Variants in GALNT18 observed in about 807,000 individuals in gnomAD.
GALNT18 encodes the protein GalNAc-transferase 18.
In GALNT18, 44 loss-of-function variants were observed where a neutral mutation model predicts 69.5. The ratio of observed to expected loss-of-function variants is 0.63; its 90% CI spans 0.50 to 0.81. The LOEUF (loss-of-function observed/expected upper bound fraction) is 0.81, where lower values mean the gene tolerates loss of function less well. GALNT18 is among the 40% of genes least tolerant of loss of function. The probability of loss-of-function intolerance (pLI) is 0.00; values close to 1 mark genes in which losing one functional copy is unlikely to be tolerated. For missense variants in GALNT18, 715 were observed against 810.0 expected (o/e 0.88, Z 1.42); for synonymous variants, 364 against 318.2 (o/e 1.14, Z -1.53).
chr11:11,455,558 C>G (rs1855906146), intron 1 of GALNT18, among the ~76,000 whole-genome samples: 1 of 152,144 alleles, frequency 6.6e-6, no homozygotes, highest in South Asian at 2.1e-4. Flanking sequence ...AAAGAGCACT[C>G]TGTGGGGCTC....
chr11:11,406,855 C>T (rs1299824811), intron 3 of GALNT18, among the ~76,000 whole-genome samples: 1 of 152,182 alleles, frequency 6.6e-6, no homozygotes, highest in Admixed American at 6.5e-5. Flanking sequence ...CCCATCCCCG[C>T]CCTTTTGGAA....
intron 1 of GALNT18, among the ~76,000 whole-genome samples, chr11:11,518,372 C>T (rs7943562): frequency 0.39 from 59,715 of 152,142 alleles, 12,505 homozygotes; most frequent in East Asian, 0.73. Context: ...CTGACAAGTT[C>T]GATTATGGTT....
intron 3 of GALNT18, among the ~76,000 whole-genome samples, chr11:11,380,099 T>G (rs1474286954): frequency 6.6e-6 from 1 of 152,234 alleles, no homozygotes; most frequent in Non-Finnish European, 1.5e-5. Context: ...TCTGCCCTGA[T>G]GAGTGATCAT....
chr11:11,490,234 A>AACACACACACACACAC (rs61477736), intron 1 of GALNT18, among the ~76,000 whole-genome samples: 11 of 125,186 alleles, frequency 8.8e-5, no homozygotes, highest in African/African-American at 3.3e-4. Context: ...CTCTCTCTCT[A>AACACACACACACACAC]ACACACACAC....
chr11:11,588,904 C>T (rs949598898), intron 1 of GALNT18, among the ~76,000 whole-genome samples: 49 of 152,212 alleles, frequency 3.2e-4, no homozygotes, highest in African/African-American at 1.0e-3. Flanking sequence ...TAGAACTCTA[C>T]TAAAAGGGCC....
rs1021773172 is a variant in GALNT18, at chr11:11,598,377, G to T, written c.235+22982C>A. On this transcript the variant is annotated intron_variant, in intron 1 of 10. Transcript: ENST00000227756. The surrounding 1 kb of genome is among the most constrained non-coding windows in gnomAD (Gnocchi z 4.8). Reference sequence around the variant, plus strand: ...GTCAGCAGGGCTATACTTCTTTGCAGGCTCTAGAGGAGAATCTGTTCCTTG... The same window carrying T: ...GTCAGCAGGGCTATACTTCTTTGCATGCTCTAGAGGAGAATCTGTTCCTTG... Among the ~76,000 whole-genome samples the T allele has an allele frequency of 6.6e-6, 1 of 152,172 alleles. No individual in the cohort carries two copies. Among genetic ancestry groups the T allele is most frequent in the Non-Finnish European group, 1.5e-5 (1 of 68,032 alleles).
At position 11,318,230 on chromosome 11, in the gene GALNT18, C is replaced by A. The variant is rs1014367037; in HGVS notation, c.1512+8856G>T. Among the ~76,000 whole-genome samples, 13 of 152,120 alleles carry A rather than the reference C, an allele frequency of 8.5e-5. No homozygotes were observed. Among genetic ancestry groups the A allele is most frequent in the African/African-American group, 3.1e-4 (13 of 41,400 alleles). On this transcript the variant is annotated intron_variant, in intron 9 of 10. Coordinates refer to ENST00000227756, the MANE Select transcript of GALNT18 (RefSeq NM_198516.3). This position sits in a 1 kb window ranked among gnomAD's most constrained non-coding sequence, Gnocchi z 5.1. ...AGGTGAACTGGGTTGGATTGTGTCACCCCAAAATTCATATGTTAAAGTCCT... is the reference window on the plus strand; with the variant it reads ...AGGTGAACTGGGTTGGATTGTGTCAACCCAAAATTCATATGTTAAAGTCCT...
chr11:11,410,384 G>A (rs371409905), intron 3 of GALNT18, among the ~76,000 whole-genome samples: 1 of 152,060 alleles, frequency 6.6e-6, no homozygotes, highest in Non-Finnish European at 1.5e-5. Flanking sequence ...TCCTGCGGTC[G>A]GGGGATTGAA....
intron 10 of GALNT18, among the ~76,000 whole-genome samples, chr11:11,290,504 CG>C (rs1254239189): frequency 1.3e-5 from 2 of 152,158 alleles, no homozygotes; most frequent in Non-Finnish European, 2.9e-5. Context: ...ACTCTTCAGC[CG>C]CTCCCCACTG....
In GALNT18 at chr11:11,456,501, C is replaced by T. The variant is rs528657718; in HGVS notation, c.236-7565G>A. On this transcript the variant is annotated intron_variant, in intron 1 of 10. Coordinates refer to ENST00000227756, the MANE Select transcript of GALNT18 (RefSeq NM_198516.3). ...AAATACCTCCAGGGCCCCCCTGCAA[C>T]CCCAGGTGCTCTGGCCCTTTTCTTG... is the stretch of plus-strand genomic sequence containing the variant. 1.0e-3 allele frequency among the ~76,000 whole-genome samples: 157 copies of T among 152,354 alleles called. 1 individual carries two copies. Among genetic ancestry groups the T allele is most frequent in the African/African-American group, 3.6e-3 (150 of 41,592 alleles).
Position 11,465,541 on chromosome 11 carries a change from G to GA in GALNT18, c.236-16606dup, listed in dbSNP as rs935386225. Among the ~76,000 whole-genome samples the GA allele has an allele frequency of 8.5e-5, 13 of 152,288 alleles. No individual in the cohort carries two copies. The highest frequency in any genetic ancestry group is 2.9e-4 in the African/African-American group (12 of 41,552). The stretch of plus-strand genomic sequence containing the variant: ...CAAAGCCACCTGGCCATGAGGTCAG[G>GA]AAGCACAGCTTAGGAAGGGTCTTGA... On this transcript the variant is annotated intron_variant, in intron 1 of 10. Transcript: ENST00000227756. This position sits in a 1 kb window ranked among gnomAD's most constrained non-coding sequence, Gnocchi z 5.7.
intron 1 of GALNT18, among the ~76,000 whole-genome samples, chr11:11,561,264 C>T (rs2133983683): frequency 6.6e-6 from 1 of 152,196 alleles, no homozygotes; most frequent in South Asian, 2.1e-4. Context: ...AATAGAAATC[C>T]AGGAGGCCTT....
At chr11:11,327,275 G>A in intron 8 of GALNT18, 94 bp from the exon 9 acceptor site, 1 of 948,726 alleles carries the variant, frequency 1.1e-6, no homozygotes, top group South Asian at 1.4e-5. Flanking sequence ...TGCTGAGACA[G>A]ATTTCATGTC....
intron 1 of GALNT18, among the ~76,000 whole-genome samples, chr11:11,516,061 A>C (rs1010931077): frequency 1.3e-5 from 2 of 152,164 alleles, no homozygotes; most frequent in Non-Finnish European, 2.9e-5. Context: ...CTGGGCCCTG[A>C]GTGTGACAGG....
intron 3 of GALNT18, among the ~76,000 whole-genome samples, chr11:11,384,040 T>G (rs1589957090): frequency 6.6e-6 from 1 of 152,164 alleles, no homozygotes; most frequent in East Asian, 1.9e-4. Flanking sequence ...CACTTACTAT[T>G]AGTCCATTCA....
At position 11,439,998 on chromosome 11, in the gene GALNT18, C is replaced by T. The variant is rs974416916; in HGVS notation, c.429-7211G>A. 1.3e-5 allele frequency among the ~76,000 whole-genome samples: 2 copies of T among 152,180 alleles called. No homozygotes were observed. The highest frequency in any genetic ancestry group is 4.8e-5 in the African/African-American group (2 of 41,428). On this transcript the variant is annotated intron_variant, in intron 2 of 10. Transcript: ENST00000227756. This position sits in a 1 kb window ranked among gnomAD's most constrained non-coding sequence, Gnocchi z 4.4. ...AATGGACATCTGCGAACTGGGAGTT[C>T]TGCAATGCAGGAGAAATCGGCCAGA...
In GALNT18 at chr11:11,347,266, A is replaced by G. The variant is rs552180200; in HGVS notation, c.1093-6262T>C. Reference sequence around the variant, plus strand: ...ATGCCCAGTACTTGAGACACAACTGAGAGTTGTAAATTGGGTTAAAATAGG... The same window carrying G: ...ATGCCCAGTACTTGAGACACAACTGGGAGTTGTAAATTGGGTTAAAATAGG... On this transcript the variant is annotated intron_variant, in intron 6 of 10. Transcript: ENST00000227756. The surrounding 1 kb of genome is among the most constrained non-coding windows in gnomAD (Gnocchi z 4.0). Among the ~76,000 whole-genome samples, 8 of 152,308 alleles carry G rather than the reference A, an allele frequency of 5.3e-5. No individual in the cohort carries two copies. The highest frequency in any genetic ancestry group is 8.8e-5 in the Non-Finnish European group (6 of 68,036).
chr11:11,519,064 C>CAGTA (rs2133924852), intron 1 of GALNT18, among the ~76,000 whole-genome samples: 1 of 152,262 alleles, frequency 6.6e-6, no homozygotes, highest in African/African-American at 2.4e-5. Context: ...GTCCACCCAG[C>CAGTA]AGTACTAGGT....
chr11:11,309,257 T>C lies in GALNT18; in HGVS notation c.1513-16064A>G, dbSNP rs1849631818. ...CCCCTTGATATTGGCCTTCCCAGCT[T>C]CCATAGCCATGAGCTGATGAATTTC... On this transcript the variant is annotated intron_variant, in intron 9 of 10. Coordinates refer to ENST00000227756, the MANE Select transcript of GALNT18 (RefSeq NM_198516.3). This position sits in a 1 kb window ranked among gnomAD's most constrained non-coding sequence, Gnocchi z 4.6. Among the ~76,000 whole-genome samples the C allele has an allele frequency of 6.6e-6, 1 of 152,154 alleles. No homozygotes were observed. Among genetic ancestry groups the C allele is most frequent in the African/African-American group, 2.4e-5 (1 of 41,438 alleles).
Sources: gnomAD v4.1 joint callset for allele counts (sites outside exome capture counted in the v4.1 genomes callset) on GRCh38, gnomAD v4.1.1 for gene constraint, Gnocchi (gnomAD v3.1) non-coding constraint, MANE v1.5 for transcripts, NCBI Gene and HGNC (gene_info 2026-07-23, HGNC 2026-07-21) for gene names.